CTNNA2: variants seen among roughly 807,000 people sequenced by gnomAD.
CTNNA2 encodes the protein catenin alpha-2.
A neutral mutation model predicts 101.0 loss-of-function variants in CTNNA2; 42 were observed. That is an observed-to-expected ratio of 0.42 (90% CI 0.32 to 0.54). The LOEUF (loss-of-function observed/expected upper bound fraction) is 0.54. CTNNA2 is among the 20% of genes least tolerant of loss of function. CTNNA2 has a pLI of 0.14. For missense variants in CTNNA2, 871 were observed against 1,223.1 expected (o/e 0.71, Z 4.29); for synonymous variants, 450 against 456.4 (o/e 0.99, Z 0.18).
intron 7 of CTNNA2, among the ~76,000 whole-genome samples, chr2:80,307,211 A>C (rs1677113605): frequency 6.6e-6 from 1 of 152,060 alleles, no homozygotes; most frequent in Non-Finnish European, 1.5e-5. Flanking sequence ...AACCGTATAC[A>C]TTAACAGATT....
chr2:80,356,854 T>C (rs1288322344), intron 7 of CTNNA2, among the ~76,000 whole-genome samples: 1 of 152,184 alleles, frequency 6.6e-6, no homozygotes, highest in Non-Finnish European at 1.5e-5. Flanking sequence ...CAGGTACTTG[T>C]GTATGGCTGA....
At position 79,670,152 on chromosome 2, in the gene CTNNA2, C is replaced by G. The variant is rs541793952; in HGVS notation, c.102+18494C>G. Among the ~76,000 whole-genome samples, 40 of 152,286 alleles carry G rather than the reference C, an allele frequency of 2.6e-4. 1 individual carries two copies. The East Asian group carries it at 7.2e-3, about 27-fold the overall frequency. On this transcript the variant is annotated intron_variant, in intron 2 of 18. Coordinates refer to ENST00000402739, the MANE Select transcript of CTNNA2 (RefSeq NM_001282597.3). ...GCAGCCACAGCTGCACCCGGGAGCT[C>G]ACGCCCTGCCAACTTGGAAGAGGCA...
At chr2:79,457,158 C>T (rs1670834690) in intron 4 of CTNNA2, among the ~76,000 whole-genome samples, 3 of 149,598 alleles carry the variant, frequency 2.0e-5, no homozygotes, top group Admixed American at 2.0e-4. Flanking sequence ...GCCGAGATTG[C>T]ACCACTGCAC....
chr2:80,358,343 CTTTTTTTTTTTTTTTTT>C, intron 7 of CTNNA2, among the ~76,000 whole-genome samples: 1 of 99,726 alleles, frequency 1.0e-5, no homozygotes, highest in African/African-American at 3.4e-5. Flanking sequence ...TAGTATTCTA[CTTTTTTTTTTTTTTTTT>C]TTTTTTTGAG....
upstream of CTNNA2, among the ~76,000 whole-genome samples, chr2:79,511,383 C>T (rs934577361): frequency 1.2e-4 from 18 of 152,192 alleles, no homozygotes; most frequent in African/African-American, 4.3e-4. Flanking sequence ...ACTTTTCATT[C>T]TCCACTCTTT....
intron 7 of CTNNA2, 27 bp downstream of exon 7, chr2:79,909,824 G>C: frequency 6.4e-7 from 1 of 1,571,952 alleles, no homozygotes; most frequent in Non-Finnish European, 8.7e-7. Flanking sequence ...CCATTCTCAT[G>C]TCTTGGTGGA....
At chr2:80,263,981 A>G (rs1168395142) in intron 7 of CTNNA2, among the ~76,000 whole-genome samples, 1 of 152,226 alleles carries the variant, frequency 6.6e-6, no homozygotes, top group Non-Finnish European at 1.5e-5. Context: ...CTGTATTTAA[A>G]TTATCCACAC....
chr2:79,925,879 T>A (rs971882175), intron 7 of CTNNA2, among the ~76,000 whole-genome samples: 3 of 22,654 alleles, frequency 1.3e-4, no homozygotes, highest in Admixed American at 5.2e-4. Flanking sequence ...ATCTAAGACT[T>A]TTTTTTTTTC....
intron 9 of CTNNA2, among the ~76,000 whole-genome samples, chr2:80,440,751 C>G (rs111859642): frequency 6.6e-6 from 1 of 152,194 alleles, no homozygotes; most frequent in African/African-American, 2.4e-5. Flanking sequence ...TTTGACATCT[C>G]TTAGGGGGAT....
intron 4 of CTNNA2, among the ~76,000 whole-genome samples, chr2:79,863,446 A>G (rs1171552511): frequency 6.6e-6 from 1 of 152,164 alleles, no homozygotes; most frequent in African/African-American, 2.4e-5. Flanking sequence ...CTGGGCCTAG[A>G]TTCAATAAGT....
chr2:80,544,916 G>A, intron 9 of CTNNA2, 66 bp from the exon 10 acceptor site: 1 of 1,371,448 alleles, frequency 7.3e-7, no homozygotes. Flanking sequence ...GAAGGTCCAA[G>A]GCGGAGCAAC....
chr2:79,229,678 C>T (rs774716691), intron 2 of CTNNA2, among the ~76,000 whole-genome samples: 1 of 152,074 alleles, frequency 6.6e-6, no homozygotes, highest in Non-Finnish European at 1.5e-5. Context: ...GGGTAACAGG[C>T]AGAGGTTGGA....
intron 11 of CTNNA2, among the ~76,000 whole-genome samples, chr2:80,548,082 A>C (rs1230542532): frequency 6.6e-6 from 1 of 152,128 alleles, no homozygotes; most frequent in East Asian, 1.9e-4. Flanking sequence ...ATCTCTCATA[A>C]GGTATTTGGA....
intron 7 of CTNNA2, among the ~76,000 whole-genome samples, chr2:80,040,001 TA>T (rs1423173187): frequency 2.0e-5 from 3 of 152,192 alleles, no homozygotes; most frequent in Admixed American, 2.0e-4. Flanking sequence ...ACAATCAAAT[TA>T]AAAAATAAAA....
At chr2:79,431,857 T>C (rs1241216865) in intron 4 of CTNNA2, among the ~76,000 whole-genome samples, 1 of 152,174 alleles carries the variant, frequency 6.6e-6, no homozygotes, top group Non-Finnish European at 1.5e-5. Context: ...TCCGGTGAAC[T>C]ATAAGATGTT....
intron 2 of CTNNA2, among the ~76,000 whole-genome samples, chr2:79,742,978 C>T (rs977350685): frequency 6.6e-6 from 1 of 152,114 alleles, no homozygotes; most frequent in South Asian, 2.1e-4. Context: ...TCTCTATAAA[C>T]TGACCGGATA....
chr2:80,615,481 T>C (rs1322522237), intron 17 of CTNNA2, among the ~76,000 whole-genome samples: 1 of 151,614 alleles, frequency 6.6e-6, no homozygotes, highest in African/African-American at 2.4e-5. Context: ...CCAAATAATT[T>C]TCATGAAAAG....
chr2:79,815,923 C>G (rs929959036), intron 3 of CTNNA2, among the ~76,000 whole-genome samples: 1 of 151,948 alleles, frequency 6.6e-6, no homozygotes, highest in Non-Finnish European at 1.5e-5. Context: ...TTTGTGTCAT[C>G]TATTTCTTTC....
chr2:80,318,429 G>T (rs887977037), intron 7 of CTNNA2, among the ~76,000 whole-genome samples: 4 of 152,092 alleles, frequency 2.6e-5, no homozygotes, highest in Non-Finnish European at 4.4e-5. Flanking sequence ...ATAGAGTTGG[G>T]ATAGTTATGT....
Sources: allele counts gnomAD v4.1 joint callset (sites outside exome capture counted in the v4.1 genomes callset), GRCh38; gene constraint gnomAD v4.1.1; transcripts MANE v1.5; gene names NCBI Gene and HGNC (gene_info 2026-07-23, HGNC 2026-07-21).